The following BRINP1 variants were observed in gnomAD, a reference collection of about 807,000 sequenced individuals.
The protein encoded by BRINP1 is BMP/retinoic acid-inducible neural-specific protein 1.
Under a neutral mutation model 72.9 loss-of-function variants are expected in BRINP1, and 17 were observed. The observed-to-expected ratio is 0.23, with a 90% CI of 0.16 to 0.35. The LOEUF (loss-of-function observed/expected upper bound fraction) is 0.35, where lower values mean the gene tolerates loss of function less well. Ranked by LOEUF, BRINP1 falls within the 10% of genes least tolerant of loss-of-function variation. The pLI is 1.00. For synonymous variants in BRINP1, 418 were observed against 378.5 expected, an observed-to-expected ratio of 1.10 and a Z score of -1.21; for missense variants, 850 against 1,001.6, an observed-to-expected ratio of 0.85 and a Z score of 2.04.
In BRINP1 at chr9:119,198,235, A is replaced by G. The variant is rs541505013; in HGVS notation, c.1145+10484T>C. On this transcript the variant is annotated intron_variant, in intron 7 of 7. Transcript: ENST00000265922. ...GCATGTATACATTTTAGGATTTCCT[A>G]GTTTAACTTCACGTTTTCAATTACC... Among the ~76,000 whole-genome samples, 3 of 152,356 alleles carry G rather than the reference A, an allele frequency of 2.0e-5. No individual in the cohort carries two copies. In the East Asian group the frequency reaches 5.8e-4, roughly 29 times the overall value.
intron 5 of BRINP1, among the ~76,000 whole-genome samples, chr9:119,223,625 T>C (rs149048500): frequency 3.0e-4 from 46 of 152,190 alleles, no homozygotes; most frequent in Non-Finnish European, 5.7e-4. Context: ...TAGCACAGTA[T>C]TGAGTACCCA....
chr9:119,265,762 T>C (rs979054170), intron 2 of BRINP1, among the ~76,000 whole-genome samples: 1 of 152,198 alleles, frequency 6.6e-6, no homozygotes, highest in African/African-American at 2.4e-5. Flanking sequence ...CAAGCGTACA[T>C]GGGCAGGTTT....
intron 4 of BRINP1, 80 bp downstream of exon 4, chr9:119,241,967 G>C: frequency 6.9e-7 from 1 of 1,453,190 alleles, no homozygotes; most frequent in Non-Finnish European, 9.4e-7. Flanking sequence ...AATTACATCT[G>C]TCCATCCACT....
intron 1 of BRINP1, among the ~76,000 whole-genome samples, chr9:119,317,991 G>A (rs1317687606): frequency 1.3e-5 from 2 of 152,196 alleles, no homozygotes; most frequent in African/African-American, 2.4e-5. Context: ...AAAAATTGGG[G>A]TGATTCAATT....
At chr9:119,312,098 C>CAGGA (rs2118993856) in intron 2 of BRINP1, among the ~76,000 whole-genome samples, 1 of 152,302 alleles carries the variant, frequency 6.6e-6, no homozygotes, top group Non-Finnish European at 1.5e-5. Flanking sequence ...ATCTGTGGTT[C>CAGGA]CATTCAGGAT....
intron 2 of BRINP1, among the ~76,000 whole-genome samples, chr9:119,254,565 G>A (rs1287253653): frequency 6.6e-6 from 1 of 152,004 alleles, no homozygotes; most frequent in Non-Finnish European, 1.5e-5. Context: ...TGAAGTGGAG[G>A]AACATAGACC....
chr9:119,363,663 G>A (rs148646584), intron 1 of BRINP1, among the ~76,000 whole-genome samples: 105 of 152,176 alleles, frequency 6.9e-4, no homozygotes, highest in African/African-American at 2.5e-3. Flanking sequence ...TCTAGAGTGT[G>A]AACTTAATGA....
chr9:119,337,610 T>C (rs1831359918), intron 1 of BRINP1, among the ~76,000 whole-genome samples: 1 of 152,220 alleles, frequency 6.6e-6, no homozygotes, highest in Non-Finnish European at 1.5e-5. Context: ...TAACTACATC[T>C]AACCTAATTC....
At chr9:119,349,099 A>G (rs567448650) in intron 1 of BRINP1, among the ~76,000 whole-genome samples, 1 of 152,306 alleles carries the variant, frequency 6.6e-6, no homozygotes, top group East Asian at 1.9e-4. Context: ...ACACAAAAAT[A>G]TAGTCCTTAT....
At position 119,369,243 on chromosome 9, in the gene BRINP1, G is replaced by A. The variant is rs1831729006; in HGVS notation, c.-238C>T. On this transcript the variant is annotated 5_prime_UTR_variant, in exon 1 of 8. Transcript: ENST00000265922. ...CCGTAAAGTCCCCTTCGCTGGTCCC[G>A]AGGACAGGCATGAATCCCGGCTCCG... The A allele has an allele frequency of 5.0e-6, 2 of 398,608 alleles. No homozygotes were observed. The highest frequency in any genetic ancestry group is 1.3e-4 in the South Asian group (1 of 7,866). The allele number at this position is 398,608 out of a possible 1,614,324, so 24.7% of individuals were successfully genotyped here. A position where few individuals can be genotyped will look rare whatever the true frequency, so the allele number is the denominator to read the frequency against.
At chr9:119,200,075 A>G (rs1188943418) in intron 7 of BRINP1, among the ~76,000 whole-genome samples, 1 of 152,212 alleles carries the variant, frequency 6.6e-6, no homozygotes, top group Non-Finnish European at 1.5e-5. Context: ...CAACATATGT[A>G]GAAAGTACAT....
rs1829324511 is a variant in BRINP1 at position 119,167,148 on chromosome 9, G to A, written c.2222C>T (p.Ala741Val). ...TNSEIIRVNH[A>V]LDLYNTEILK... ...GATCTCCGTGTTGTACAGGTCCAAGGCGTGGTTCACCCTGATGATCTCGCT... is the reference window on the plus strand; with the variant it reads ...GATCTCCGTGTTGTACAGGTCCAAGACGTGGTTCACCCTGATGATCTCGCT... Residue 741 changes from alanine (A) to valine (V), a missense_variant, in exon 8 of 8, where the codon GCC (alanine) becomes GTC (valine). By Grantham distance (64) the Ala-to-Val change is moderately conservative (BLOSUM62 0). Coordinates refer to ENST00000265922, the MANE Select transcript of BRINP1 (RefSeq NM_014618.3). This position sits in a 1 kb window ranked among gnomAD's most constrained non-coding sequence, Gnocchi z 4.3. 1 of 1,613,994 alleles carries A rather than the reference G, an allele frequency of 6.2e-7. No individual in the cohort carries two copies. The highest frequency in any genetic ancestry group is 1.3e-5 in the African/African-American group (1 of 74,904).
intron 2 of BRINP1, chr9:119,282,829 G>T: frequency 4.1e-6 from 4 of 985,182 alleles, no homozygotes; most frequent in Non-Finnish European, 4.8e-6. Context: ...AGTAATAGCT[G>T]GTCACAGTGG....
At chr9:119,280,071 T>G (rs1300944460) in intron 2 of BRINP1, among the ~76,000 whole-genome samples, 3 of 151,764 alleles carry the variant, frequency 2.0e-5, no homozygotes, top group African/African-American at 7.3e-5. Flanking sequence ...ATAAAGAAAA[T>G]AGTAGATGAT....
chr9:119,249,111 C>G lies in BRINP1; in HGVS notation c.258G>C (p.Glu86Asp), dbSNP rs765541516. ...ARWKVRNTAI[E>D]RRDLVRHPVP... is the part of the protein sequence containing the mutation. ...CTGGATGGCGGACCAGATCTCTCCT[C>G]TCGATGGCTGTGTTCCTCACCTTCC... is the stretch of plus-strand genomic sequence containing the variant. Residue 86 changes from glutamate to aspartate, a missense_variant, in exon 3 of 8, where the codon GAG (glutamate) becomes GAC (aspartate). Physicochemically the swap from Glu to Asp is conservative, Grantham distance 45. Transcript: ENST00000265922. 5 of 1,614,046 alleles carry G rather than the reference C, an allele frequency of 3.1e-6. No individual in the cohort carries two copies. The highest frequency in any genetic ancestry group is 1.7e-5 in the Admixed American group (1 of 60,024).
intron 7 of BRINP1, among the ~76,000 whole-genome samples, chr9:119,179,024 G>A (rs933993199): frequency 2.0e-5 from 3 of 152,080 alleles, no homozygotes; most frequent in Admixed American, 2.0e-4. Context: ...AAGTGCATAG[G>A]GGGATGCTGG....
rs887961075 is a variant in BRINP1, at chr9:119,316,064, A to T, written c.-50-2659T>A. Among the ~76,000 whole-genome samples the T allele has an allele frequency of 3.9e-5, 6 of 152,294 alleles. No homozygotes were observed. The East Asian group carries it at 1.2e-3, about 29-fold the overall frequency. On this transcript the variant is annotated intron_variant, in intron 1 of 7. Transcript: ENST00000265922. ...GAAGATCGAGCTTCAATTATTGATGAAGATGGCTACCCTAAACAATCTATT... is the reference window on the plus strand; with the variant it reads ...GAAGATCGAGCTTCAATTATTGATGTAGATGGCTACCCTAAACAATCTATT...
chr9:119,361,055 G>A (rs1296909600), intron 1 of BRINP1, among the ~76,000 whole-genome samples: 2 of 152,120 alleles, frequency 1.3e-5, no homozygotes, highest in Non-Finnish European at 2.9e-5. Flanking sequence ...AACAAAATTT[G>A]TTCAGAATGA....
At chr9:119,176,569 T>C (rs746760704) in intron 7 of BRINP1, among the ~76,000 whole-genome samples, 6 of 152,182 alleles carry the variant, frequency 3.9e-5, no homozygotes, top group Non-Finnish European at 5.9e-5. Context: ...TCTTTTTAAG[T>C]CTCAGTATCA....
Sources: gnomAD v4.1 joint callset for allele counts (sites outside exome capture counted in the v4.1 genomes callset) on GRCh38, gnomAD v4.1.1 for gene constraint, Gnocchi (gnomAD v3.1) non-coding constraint, MANE v1.5 for transcripts, NCBI Gene and HGNC (gene_info 2026-07-23, HGNC 2026-07-21) for gene names.